The following SLC41A2 variants were observed in gnomAD, a reference collection of about 807,000 sequenced individuals.
SLC41A2 encodes the protein SLC41A1-like 1.
Under a neutral mutation model 58.3 loss-of-function variants are expected in SLC41A2, and 32 were observed. The ratio of observed to expected loss-of-function variants is 0.55; its 90% CI spans 0.41 to 0.74. SLC41A2 has a LOEUF of 0.74. SLC41A2 is among the 30% of genes least tolerant of loss of function. The pLI, the probability that SLC41A2 is intolerant of heterozygous loss-of-function variation, is 0.00. For synonymous variants in SLC41A2, 190 were observed against 235.0 expected (o/e 0.81, Z 1.75); for missense variants, 514 against 680.6 (o/e 0.76, Z 2.72).
At chr12:104,876,688 G>A (rs994759792) in intron 6 of SLC41A2, among the ~76,000 whole-genome samples, 2 of 151,962 alleles carry the variant, frequency 1.3e-5, no homozygotes, top group Admixed American at 6.6e-5. Flanking sequence ...GACTTGTTTT[G>A]TGGCCTAATA....
At chr12:104,865,428 C>A (rs1214194552) in intron 7 of SLC41A2, among the ~76,000 whole-genome samples, 2 of 152,164 alleles carry the variant, frequency 1.3e-5, no homozygotes, top group Non-Finnish European at 2.9e-5. Context: ...TTGTGGGGAT[C>A]TAATTGCTCC....
At chr12:104,898,676 C>G (rs1219959012) in intron 3 of SLC41A2, among the ~76,000 whole-genome samples, 1 of 151,772 alleles carries the variant, frequency 6.6e-6, no homozygotes, top group Non-Finnish European at 1.5e-5. Flanking sequence ...ATTTTTACCA[C>G]TGAACATGTA....
At chr12:104,874,207 G>A (rs2043934693) in intron 6 of SLC41A2, among the ~76,000 whole-genome samples, 1 of 151,600 alleles carries the variant, frequency 6.6e-6, no homozygotes, top group Admixed American at 6.6e-5. Context: ...CCGAGTAGCT[G>A]GGACTACAGG....
At chr12:104,922,379 C>T (rs2135851164) in intron 2 of SLC41A2, among the ~76,000 whole-genome samples, 1 of 151,810 alleles carries the variant, frequency 6.6e-6, no homozygotes, top group South Asian at 2.1e-4. Flanking sequence ...TATATTTATG[C>T]TAGATAGAAT....
In SLC41A2 at chr12:104,956,400, T is replaced by C. The variant is rs554895475; in HGVS notation, c.-168+1688A>G. On this transcript the variant is annotated intron_variant, in intron 1 of 10. Transcript: ENST00000258538. ...CAATAAAAAGCTAAGCAACCCAGAC[T>C]GGCCGTGGTGGCTTATGCCTGTAAT... 3.9e-5 allele frequency among the ~76,000 whole-genome samples: 6 copies of C among 152,312 alleles called. No homozygotes were observed. In the East Asian group the frequency reaches 1.2e-3, roughly 29 times the overall value.
chr12:104,933,370 C>T (rs2047141450), intron 1 of SLC41A2, among the ~76,000 whole-genome samples: 1 of 152,050 alleles, frequency 6.6e-6, no homozygotes, highest in Non-Finnish European at 1.5e-5. Context: ...ATTAAAATGT[C>T]AATAAACAAT....
At chr12:104,822,452 CAAATTTGA>C (rs1022839212) in intron 10 of SLC41A2, among the ~76,000 whole-genome samples, 18 of 152,048 alleles carry the variant, frequency 1.2e-4, no homozygotes, top group African/African-American at 3.6e-4. Context: ...AAGCGCTACT[CAAATTTGA>C]AAAATTATTT....
chr12:104,882,683 G>A (rs1235292420), intron 6 of SLC41A2, among the ~76,000 whole-genome samples: 2 of 152,234 alleles, frequency 1.3e-5, no homozygotes, highest in Non-Finnish European at 2.9e-5. Context: ...TCTGCTGAGA[G>A]ATCCACTGTT....
intron 3 of SLC41A2, among the ~76,000 whole-genome samples, chr12:104,897,281 G>C (rs974069849): frequency 6.6e-6 from 1 of 150,890 alleles, no homozygotes; most frequent in Non-Finnish European, 1.5e-5. Context: ...AAGTAGCTGT[G>C]ATTACAGGTG....
intron 8 of SLC41A2, among the ~76,000 whole-genome samples, chr12:104,850,821 T>C (rs1311777770): frequency 2.0e-5 from 3 of 152,214 alleles, no homozygotes; most frequent in Admixed American, 2.0e-4. Flanking sequence ...ATGTTTAAAA[T>C]ATGTATCCCA....
Position 104,832,262 on chromosome 12 carries a change from T to A in SLC41A2, c.1536+12210A>T, listed in dbSNP as rs147153453. On this transcript the variant is annotated intron_variant, in intron 10 of 10. Transcript: ENST00000258538. ...TTTCCATTCCTGTCTTTACGGATTATCTCTCTTGTACAATTCCTGGCTCTT... is the reference window on the plus strand; with the variant it reads ...TTTCCATTCCTGTCTTTACGGATTAACTCTCTTGTACAATTCCTGGCTCTT... 1.0e-3 allele frequency among the ~76,000 whole-genome samples: 158 copies of A among 152,330 alleles called. 1 individual carries two copies. Among genetic ancestry groups the A allele is most frequent in the Non-Finnish European group, 1.7e-3 (119 of 68,020 alleles).
chr12:104,874,480 G>A (rs767640844), intron 6 of SLC41A2, among the ~76,000 whole-genome samples: 9 of 152,152 alleles, frequency 5.9e-5, no homozygotes, highest in Non-Finnish European at 1.2e-4. Context: ...GGCTTCAGGC[G>A]TTATGTTTAG....
chr12:104,871,882 T>C (rs73399944), intron 6 of SLC41A2, among the ~76,000 whole-genome samples: 3,639 of 152,294 alleles, frequency 0.024, 99 homozygotes, highest in East Asian at 0.15. Context: ...AGGTATAACA[T>C]TTATAGAAAA....
chr12:104,932,871 C>G (rs1009729910), intron 1 of SLC41A2, among the ~76,000 whole-genome samples: 2 of 151,918 alleles, frequency 1.3e-5, no homozygotes, highest in African/African-American at 4.8e-5. Context: ...TCACCCTATA[C>G]AAAAATTAAC....
At chr12:104,858,889 G>A (rs1202470714) in intron 8 of SLC41A2, among the ~76,000 whole-genome samples, 1 of 152,152 alleles carries the variant, frequency 6.6e-6, no homozygotes, top group Non-Finnish European at 1.5e-5. Context: ...TGAAGCTCTA[G>A]AATTGTTTCT....
At chr12:104,922,893 C>T (rs2046661124) in intron 2 of SLC41A2, among the ~76,000 whole-genome samples, 1 of 152,046 alleles carries the variant, frequency 6.6e-6, no homozygotes, top group Non-Finnish European at 1.5e-5. Context: ...ACTACACAAA[C>T]ACATAGAAAT....
At chr12:104,917,414 T>C (rs1428776239) in intron 2 of SLC41A2, among the ~76,000 whole-genome samples, 1 of 152,220 alleles carries the variant, frequency 6.6e-6, no homozygotes, top group African/African-American at 2.4e-5. Flanking sequence ...GAAGACAGTG[T>C]GGCGATTCCT....
rs554563448 is a variant in SLC41A2, at chr12:104,840,345, A to G, written c.1536+4127T>C. Among the ~76,000 whole-genome samples the G allele has an allele frequency of 2.4e-4, 36 of 152,330 alleles. No individual in the cohort carries two copies. In the South Asian group the frequency reaches 6.4e-3, roughly 27 times the overall value. ...GTGGAGGAAAGTATACTCTGCTTCT[A>G]TGAAATCAAAGCTGTGGGTTCAATG... is the stretch of plus-strand genomic sequence containing the variant. On this transcript the variant is annotated intron_variant, in intron 10 of 10. Coordinates refer to ENST00000258538, the MANE Select transcript of SLC41A2 (RefSeq NM_001352171.3).
intron 2 of SLC41A2, among the ~76,000 whole-genome samples, chr12:104,914,333 T>G (rs960928334): frequency 6.6e-6 from 1 of 152,226 alleles, no homozygotes. Context: ...ACCATAATTA[T>G]TTACTAATGG....
Sources: allele counts gnomAD v4.1 joint callset (sites outside exome capture counted in the v4.1 genomes callset), GRCh38; gene constraint gnomAD v4.1.1; transcripts MANE v1.5; gene names NCBI Gene and HGNC (gene_info 2026-07-23, HGNC 2026-07-21).